Variants in FABP6 observed in about 807,000 individuals in gnomAD.
The protein encoded by FABP6 is fatty acid binding protein 6.
FABP6 carries 13 observed loss-of-function variants against 14.9 expected under a neutral mutation model. The observed-to-expected ratio is 0.87, with a 90% CI of 0.57 to 1.39. FABP6 has a LOEUF of 1.39. FABP6 is among the 40% of genes most tolerant of loss of function. The pLI is 0.00. For synonymous variants in FABP6, 75 were observed against 63.6 expected (o/e 1.18, Z -0.85); for missense variants, 161 against 167.2 (o/e 0.96, Z 0.20).
intron 1 of FABP6, among the ~76,000 whole-genome samples, chr5:160,190,026 C>G (rs946079967): frequency 6.6e-6 from 1 of 152,186 alleles, no homozygotes; most frequent in Non-Finnish European, 1.5e-5. Flanking sequence ...AAGGTTTGAA[C>G]TGGCTGTATT....
intron 2 of FABP6, among the ~76,000 whole-genome samples, chr5:160,213,384 A>G (rs2113106638): frequency 6.6e-6 from 1 of 152,318 alleles, no homozygotes; most frequent in East Asian, 1.9e-4. Flanking sequence ...TTCTATGCCC[A>G]GGGAAATGGT....
chr5:160,202,161 G>A (rs572448575), intron 2 of FABP6, among the ~76,000 whole-genome samples: 5 of 152,204 alleles, frequency 3.3e-5, no homozygotes, highest in African/African-American at 1.2e-4. Flanking sequence ...CTCTCTACAG[G>A]GGAGATGGAT....
At chr5:160,192,736 C>A (rs770961368) in intron 1 of FABP6, among the ~76,000 whole-genome samples, 1 of 152,226 alleles carries the variant, frequency 6.6e-6, no homozygotes, top group Non-Finnish European at 1.5e-5. Context: ...CCAGGCAAGG[C>A]GCATGCGCCC....
At position 160,193,853 on chromosome 5, in the gene FABP6, G is replaced by A. The variant is rs183227872; in HGVS notation, c.-58-5196G>A. The stretch of plus-strand genomic sequence containing the variant: ...CTTCACCCAGTGGATCCCGCACCAG[G>A]GTTGCAGGTGGAGCTGCCTGCCAGT... On this transcript the variant is annotated intron_variant, in intron 1 of 6. Coordinates refer to the FABP6 transcript ENST00000393980. Among the ~76,000 whole-genome samples the A allele has an allele frequency of 3.9e-3, 590 of 152,368 alleles. 5 individuals carry two copies. Among genetic ancestry groups the A allele is most frequent in the African/African-American group, 0.013 (527 of 41,600 alleles).
chr5:160,199,461 C>T (rs1441562333), intron 2 of FABP6, among the ~76,000 whole-genome samples: 2 of 152,144 alleles, frequency 1.3e-5, no homozygotes, highest in African/African-American at 4.8e-5. Context: ...CCCTGGCCCC[C>T]TGGGCTCACC....
intron 1 of FABP6, among the ~76,000 whole-genome samples, chr5:160,191,512 C>T (rs1270707129): frequency 6.6e-6 from 1 of 152,038 alleles, no homozygotes; most frequent in East Asian, 1.9e-4. Flanking sequence ...CTCTGTGCCA[C>T]CTAGACCCTG....
intron 2 of FABP6, among the ~76,000 whole-genome samples, chr5:160,201,888 G>A (rs1759648462): frequency 6.6e-6 from 1 of 152,142 alleles, no homozygotes; most frequent in South Asian, 2.1e-4. Context: ...TCAGCCTCCT[G>A]AGCAGCTGGG....
upstream of FABP6, among the ~76,000 whole-genome samples, chr5:160,225,399 CTTTT>C (rs1284538826): frequency 3.2e-5 from 4 of 123,492 alleles, no homozygotes; most frequent in Admixed American, 9.1e-5. Flanking sequence ...CCAGCCCCAC[CTTTT>C]TTTTTTTTTT....
chr5:160,198,896 G>A (rs1759569632), intron 1 of FABP6: 3 of 577,588 alleles, frequency 5.2e-6, no homozygotes. Flanking sequence ...TTCCTGGAGG[G>A]CAGGGACCTC....
chr5:160,198,980 A>G (rs1759571201), intron 1 of FABP6: 1 of 952,720 alleles, frequency 1.0e-6, no homozygotes, highest in South Asian at 1.4e-5. Context: ...GATTGAATAG[A>G]CAAATGAATG....
chr5:160,193,843 C>G (rs776638336), intron 1 of FABP6, among the ~76,000 whole-genome samples: 20 of 152,264 alleles, frequency 1.3e-4, no homozygotes, highest in Non-Finnish European at 2.8e-4. Context: ...CCCAGTGGAT[C>G]CCGCACCAGG....
At chr5:160,196,389 A>C (rs1759510090) in intron 1 of FABP6, among the ~76,000 whole-genome samples, 1 of 152,286 alleles carries the variant, frequency 6.6e-6, no homozygotes. Flanking sequence ...CCAAAAAGGA[A>C]ACCTGATGGG....
At chr5:160,216,983 T>C (rs1351002873) in intron 3 of FABP6, among the ~76,000 whole-genome samples, 1 of 152,180 alleles carries the variant, frequency 6.6e-6, no homozygotes, top group African/African-American at 2.4e-5. Context: ...CCTCCTCCGC[T>C]TACCACCTGG....
chr5:160,199,804 C>T (rs192629637), intron 2 of FABP6, among the ~76,000 whole-genome samples: 38 of 152,306 alleles, frequency 2.5e-4, no homozygotes, highest in Admixed American at 1.0e-3. Flanking sequence ...AGTTCACAGC[C>T]TAACCTGAAC....
chr5:160,193,422 T>C (rs557672805), intron 1 of FABP6, among the ~76,000 whole-genome samples: 28 of 152,094 alleles, frequency 1.8e-4, no homozygotes, highest in African/African-American at 6.5e-4. Flanking sequence ...GCTTCCACAG[T>C]GTGGAAGGGG....
upstream of FABP6, among the ~76,000 whole-genome samples, chr5:160,227,193 CAG>C (rs1760266652): frequency 6.6e-6 from 1 of 152,074 alleles, no homozygotes; most frequent in Admixed American, 6.6e-5. Context: ...CAGGAGGTAA[CAG>C]AGCAATATAG....
intron 2 of FABP6, among the ~76,000 whole-genome samples, chr5:160,232,616 G>A (rs1760416382): frequency 6.6e-6 from 1 of 152,124 alleles, no homozygotes; most frequent in Non-Finnish European, 1.5e-5. Flanking sequence ...AAGCTTGCTG[G>A]CCAGGCACAG....
chr5:160,193,250 C>A (rs181434282), intron 1 of FABP6, among the ~76,000 whole-genome samples: 30 of 151,228 alleles, frequency 2.0e-4, no homozygotes, highest in Admixed American at 3.3e-4. Context: ...GTGAGTGTTG[C>A]GGCACGTCTG....
chr5:160,234,891 G>A lies in FABP6; in HGVS notation c.315G>A (p.Val105=), dbSNP rs759994238. ...ACTATCACCAGACCTCAGAGATCGT[G>A]GGTGACAAGCTGGTGGAGGTGAGTG... ...FPNYHQTSEI[V]GDKLVEVSTI... Residue 105 remains valine (V), a synonymous_variant, in exon 3 of 4, where the codon GTG becomes GTA. Coordinates refer to ENST00000402432, the MANE Select transcript of FABP6 (RefSeq NM_001445.3). 3.1e-6 allele frequency: 5 copies of A among 1,611,490 alleles called. No individual in the cohort carries two copies. The African/African-American group carries it at 5.3e-5, about 17-fold the overall frequency.
Sources: allele counts gnomAD v4.1 joint callset (sites outside exome capture counted in the v4.1 genomes callset), GRCh38; gene constraint gnomAD v4.1.1; transcripts MANE v1.5; gene names NCBI Gene and HGNC (gene_info 2026-07-23, HGNC 2026-07-21).